The following PTPRT variants were observed in gnomAD, a reference collection of about 807,000 sequenced individuals.
PTPRT encodes the protein receptor-type tyrosine-protein phosphatase T.
PTPRT carries 56 observed loss-of-function variants against 176.8 expected under a neutral mutation model. The ratio of observed to expected loss-of-function variants is 0.32; its 90% confidence interval spans 0.26 to 0.40. The LOEUF is 0.40. Ranked by LOEUF, PTPRT falls within the 10% of genes least tolerant of loss-of-function variation. The probability of loss-of-function intolerance (pLI) is 1.00; values close to 1 mark genes in which losing one functional copy is unlikely to be tolerated. For synonymous variants in PTPRT, 783 were observed against 739.0 expected (o/e 1.06, Z -0.96); for missense variants, 1,540 against 1,908.2 (o/e 0.81, Z 3.60).
intron 6 of PTPRT, among the ~76,000 whole-genome samples, chr20:42,704,641 C>G (rs1341005591): frequency 6.6e-6 from 1 of 152,070 alleles, no homozygotes; most frequent in African/African-American, 2.4e-5. Context: ...ATTTGGGAAG[C>G]CTTCTCTGAC....
chr20:42,603,090 C>G (rs1409436191), intron 7 of PTPRT, among the ~76,000 whole-genome samples: 1 of 152,118 alleles, frequency 6.6e-6, no homozygotes, highest in African/African-American at 2.4e-5. Flanking sequence ...TGCCTGGGGT[C>G]CTGGGAAGGT....
intron 6 of PTPRT, among the ~76,000 whole-genome samples, chr20:42,712,356 T>C (rs779107649): frequency 3.3e-5 from 5 of 152,134 alleles, no homozygotes; most frequent in African/African-American, 4.8e-5. Context: ...AAACATTATG[T>C]AGCAGCCCAA....
intron 7 of PTPRT, among the ~76,000 whole-genome samples, chr20:42,670,948 G>A (rs2075402650): frequency 6.6e-6 from 1 of 152,144 alleles, no homozygotes; most frequent in African/African-American, 2.4e-5. Context: ...ACAAGTGGGT[G>A]TTTCAAGGAG....
In PTPRT at chr20:42,911,921, A is replaced by G. The variant is rs868215334; in HGVS notation, c.89-25989T>C. On this transcript the variant is annotated intron_variant, in intron 1 of 30. Transcript: ENST00000373187. Reference sequence around the variant, plus strand: ...TTACTAAATGTTCTTCTAAAACCCAATTTTAATGGTTGCCATCCTGCATGC... The same window carrying G: ...TTACTAAATGTTCTTCTAAAACCCAGTTTTAATGGTTGCCATCCTGCATGC... Among the ~76,000 whole-genome samples the G allele has an allele frequency of 4.0e-5, 6 of 149,964 alleles. No individual in the cohort carries two copies. The Middle Eastern group carries it at 0.018, about 443-fold the overall frequency.
At position 43,009,079 on chromosome 20, in the gene PTPRT, T is replaced by C. The variant is rs138012218; in HGVS notation, c.89-123147A>G. On this transcript the variant is annotated intron_variant, in intron 1 of 30. Coordinates refer to ENST00000373187, the MANE Select transcript of PTPRT (RefSeq NM_007050.6). Reference sequence around the variant, plus strand: ...GATACCTTGGTGAGCAAGAAAGAGCTATGGGCAGCAATGGCAAGACAGGGC... The same window carrying C: ...GATACCTTGGTGAGCAAGAAAGAGCCATGGGCAGCAATGGCAAGACAGGGC... Among the ~76,000 whole-genome samples the C allele has an allele frequency of 7.2e-5, 11 of 152,232 alleles. No individual in the cohort carries two copies. The East Asian group carries it at 2.1e-3, about 29-fold the overall frequency.
intron 6 of PTPRT, among the ~76,000 whole-genome samples, chr20:42,706,140 T>A (rs1030706168): frequency 5.9e-5 from 9 of 151,644 alleles, no homozygotes; most frequent in African/African-American, 1.9e-4. Flanking sequence ...TGTCTGTCTG[T>A]CTCTCTTTGT....
At chr20:42,230,975 C>T (rs901629577) in intron 15 of PTPRT, among the ~76,000 whole-genome samples, 1 of 152,190 alleles carries the variant, frequency 6.6e-6, no homozygotes, top group Non-Finnish European at 1.5e-5. Context: ...AACCCTTTGG[C>T]TACCTCTGAT....
At chr20:42,306,799 T>C (rs576831490) in intron 12 of PTPRT, among the ~76,000 whole-genome samples, 1 of 152,114 alleles carries the variant, frequency 6.6e-6, no homozygotes, top group Non-Finnish European at 1.5e-5. Context: ...CATTCCTCCA[T>C]GGAGGTAAAG....
At position 42,588,385 on chromosome 20, in the gene PTPRT, A is replaced by G. The variant is rs998797902; in HGVS notation, c.1153+89481T>C. Among the ~76,000 whole-genome samples the G allele has an allele frequency of 7.9e-5, 12 of 152,144 alleles. 1 individual carries two copies. The South Asian group carries it at 2.5e-3, about 32-fold the overall frequency. ...CCTGAACCTGGGAGGTGAAGGTTGC[A>G]GTCAGCTGAGACTGTTTTGTGCCAC... On this transcript the variant is annotated intron_variant, in intron 7 of 30. Coordinates refer to ENST00000373187, the MANE Select transcript of PTPRT (RefSeq NM_007050.6).
chr20:42,601,808 C>T (rs563412990), intron 7 of PTPRT, among the ~76,000 whole-genome samples: 6 of 152,186 alleles, frequency 3.9e-5, no homozygotes, highest in South Asian at 4.1e-4. Flanking sequence ...CATCTGTAAA[C>T]GAGCATGTTT....
At chr20:43,160,261 A>T (rs373117431) in intron 1 of PTPRT, among the ~76,000 whole-genome samples, 6 of 152,262 alleles carry the variant, frequency 3.9e-5, no homozygotes, top group African/African-American at 1.4e-4. Context: ...GGCATCCAAC[A>T]GCCGGAATAA....
intron 7 of PTPRT, among the ~76,000 whole-genome samples, chr20:42,624,958 C>T (rs1221514248): frequency 2.0e-5 from 3 of 152,154 alleles, no homozygotes; most frequent in Non-Finnish European, 4.4e-5. Flanking sequence ...CAGTCAAGTT[C>T]CAAATTTGGC....
intron 15 of PTPRT, among the ~76,000 whole-genome samples, chr20:42,222,832 A>G (rs1389472131): frequency 2.6e-5 from 4 of 152,212 alleles, no homozygotes; most frequent in Non-Finnish European, 4.4e-5. Context: ...AGTTGAACCC[A>G]AAGAAGGGGT....
At chr20:42,888,464 A>C (rs900679091) in intron 1 of PTPRT, among the ~76,000 whole-genome samples, 3 of 152,298 alleles carry the variant, frequency 2.0e-5, no homozygotes, top group Non-Finnish European at 4.4e-5. Context: ...CACAAACCAC[A>C]TGAGGTACAT....
intron 13 of PTPRT, among the ~76,000 whole-genome samples, chr20:42,268,604 C>A (rs2056878822): frequency 6.6e-6 from 1 of 152,198 alleles, no homozygotes; most frequent in South Asian, 2.1e-4. Context: ...TGTGCTGCAA[C>A]TGCACACAAC....
intron 1 of PTPRT, among the ~76,000 whole-genome samples, chr20:43,127,209 G>C (rs1432329477): frequency 6.6e-6 from 1 of 151,990 alleles, no homozygotes; most frequent in African/African-American, 2.4e-5. Context: ...GGATCACAAG[G>C]TCAGGAGATG....
chr20:43,178,365 C>T (rs2425615), intron 1 of PTPRT, among the ~76,000 whole-genome samples: 139,524 of 152,214 alleles, frequency 0.92, 64,154 homozygotes, highest in Non-Finnish European at 0.95. Context: ...ACACCCACCC[C>T]GCAACCCTGA....
At chr20:42,191,536 G>A (rs1288437818) in intron 16 of PTPRT, among the ~76,000 whole-genome samples, 1 of 152,188 alleles carries the variant, frequency 6.6e-6, no homozygotes, top group Non-Finnish European at 1.5e-5. Context: ...AAGAGATTTT[G>A]AGCAGACTGA....
At chr20:42,280,410 C>A (rs2057119891) in intron 13 of PTPRT, among the ~76,000 whole-genome samples, 1 of 152,146 alleles carries the variant, frequency 6.6e-6, no homozygotes, top group Non-Finnish European at 1.5e-5. Context: ...TTCCCAAGTG[C>A]TACTGGAGCC....
Sources: gnomAD v4.1 joint callset for allele counts (sites outside exome capture counted in the v4.1 genomes callset) on GRCh38, gnomAD v4.1.1 for gene constraint, MANE v1.5 for transcripts, NCBI Gene and HGNC (gene_info 2026-07-23, HGNC 2026-07-21) for gene names.